Variants in MYRF observed in about 807,000 individuals in gnomAD.
MYRF encodes the protein myelin regulatory factor.
MYRF carries 16 observed loss-of-function variants against 126.3 expected under a neutral mutation model. That is an observed-to-expected ratio of 0.13 (90% confidence interval 0.09 to 0.19). The LOEUF (loss-of-function observed/expected upper bound fraction) is 0.19, where lower values mean the gene tolerates loss of function less well. MYRF is among the 10% of genes least tolerant of loss of function. The pLI, the probability that MYRF is intolerant of heterozygous loss-of-function variation, is 1.00. For missense variants in MYRF, 1,104 were observed against 1,547.0 expected (o/e 0.71, Z 4.80); for synonymous variants, 608 against 635.3 (o/e 0.96, Z 0.65).
rs201384645 is a variant in MYRF, at chr11:61,780,223, G to C, written c.2338G>C (p.Val780Leu). 1.9e-6 allele frequency: 3 copies of C among 1,613,906 alleles called. No homozygotes were observed. The highest frequency in any genetic ancestry group is 1.3e-5 in the African/African-American group (1 of 74,928). The change falls in exon 18 of 27, where the codon GTG becomes CTG. Residue 780 changes from valine (V) to leucine (L), a missense_variant and splice_region_variant. Val to Leu is a conservative substitution (Grantham distance 32). Transcript: ENST00000278836. Reference sequence around the variant, plus strand: ...GGTCACCCTTTTCTGTGGCTCCAGCGTGGTGTCCATGTCCACACTGTACGT... The same window carrying C: ...GGTCACCCTTTTCTGTGGCTCCAGCCTGGTGTCCATGTCCACACTGTACGT... ...IALVVVMAFS[V>L]VSMSTLYVLS... is the part of the protein sequence containing the mutation.
Position 61,781,244 on chromosome 11 carries a change from C to A in MYRF, c.2679C>A (p.Asn893Lys). ...PVICCSSPTT[N>K]PTTGPSLGPS... ...TCTGCTGTTCCTCACCCACTACCAA[C>A]CCTACCACTGGTCCTAGTCTTGGCC... The change falls in exon 21 of 27, where the codon AAC becomes AAA. Residue 893 changes from asparagine (N) to lysine (K), a missense_variant. Around this residue, in one of 10 missense-constraint regions of MYRF, gnomAD observed 323 missense variants for 383.1 expected, o/e 0.84. Transcript: ENST00000278836. 1 of 1,614,202 alleles carries A rather than the reference C, an allele frequency of 6.2e-7. No homozygotes were observed. The highest frequency in any genetic ancestry group is 8.5e-7 in the Non-Finnish European group (1 of 1,180,046).
Position 61,752,794 on chromosome 11 carries a change from A to G in MYRF, c.46+4A>G. The G allele has an allele frequency of 4.0e-6, 6 of 1,487,696 alleles. No homozygotes were observed. The highest frequency in any genetic ancestry group is 2.7e-6 in the Non-Finnish European group (3 of 1,124,278). 92.2% of individuals were successfully genotyped at this position (1,487,696 alleles called of 1,614,324 possible). On this transcript the variant is annotated splice_donor_region_variant and intron_variant, in intron 1 of 26. Coordinates refer to ENST00000278836, the MANE Select transcript of MYRF (RefSeq NM_001127392.3). The stretch of plus-strand genomic sequence containing the variant: ...GCGCTGCAGCGCTTCTTCGAAGGTG[A>G]GAGACCGCGGGCTGGCGGCGGCGAC...
chr11:61,762,020 C>T (rs1366131117), intron 1 of MYRF, among the ~76,000 whole-genome samples: 2 of 152,238 alleles, frequency 1.3e-5, no homozygotes, highest in African/African-American at 4.8e-5. Flanking sequence ...CTGCCCATCC[C>T]TTGCTAAACA....
At position 61,776,901 on chromosome 11, in the gene MYRF, C is replaced by T. The variant is rs371083087; in HGVS notation, c.1590+24C>T. The T allele has an allele frequency of 2.2e-5, 35 of 1,563,944 alleles. No homozygotes were observed. The highest frequency in any genetic ancestry group is 2.7e-5 in the African/African-American group (2 of 73,836). On this transcript the variant is annotated intron_variant, in intron 11 of 26. Transcript: ENST00000278836. The surrounding 1 kb of genome is among the most constrained non-coding windows in gnomAD (Gnocchi z 4.3). ...GGGTGAGGGCCACCTCCTCCCAGGG[C>T]GTAGACAGCCCTCCCCAGGACTGGG... is the stretch of plus-strand genomic sequence containing the variant.
Position 61,774,560 on chromosome 11 carries a change from T to C in MYRF, c.1311+398T>C, listed in dbSNP as rs185854155. On this transcript the variant is annotated intron_variant, in intron 8 of 26. Transcript: ENST00000278836. Reference sequence around the variant, plus strand: ...AAAAAAAAAAAAGCAAGCATCTGTGTGCGTGTGTGTGTGTATGTGTGTGTA... The same window carrying C: ...AAAAAAAAAAAAGCAAGCATCTGTGCGCGTGTGTGTGTGTATGTGTGTGTA... Among the ~76,000 whole-genome samples, 832 of 150,560 alleles carry C rather than the reference T, an allele frequency of 5.5e-3. 5 individuals are homozygous for C. The highest frequency in any genetic ancestry group is 0.019 in the African/African-American group (785 of 41,022).
At position 61,757,353 on chromosome 11, in the gene MYRF, C is replaced by T. The variant is rs1429806523; in HGVS notation, c.46+4563C>T. On this transcript the variant is annotated intron_variant, in intron 1 of 26. Coordinates refer to ENST00000278836, the MANE Select transcript of MYRF (RefSeq NM_001127392.3). This position sits in a 1 kb window ranked among gnomAD's most constrained non-coding sequence, Gnocchi z 4.7. The stretch of plus-strand genomic sequence containing the variant: ...CCGTATCAGGGCACCGCTGTGCCTC[C>T]GCTTTCTCATCTGTAAAACGGGAGT... The T allele has an allele frequency of 1.1e-5, 5 of 455,034 alleles. No homozygotes were observed. Among genetic ancestry groups the T allele is most frequent in the African/African-American group, 2.0e-5 (1 of 50,150 alleles). 28.2% of individuals were successfully genotyped at this position (455,034 alleles called of 1,614,324 possible). A position where few individuals can be genotyped will look rare whatever the true frequency, so the allele number is the denominator to read the frequency against.
rs1013522585 is a variant in MYRF at position 61,757,253 on chromosome 11, G to A, written c.46+4463G>A. 2.2e-6 allele frequency: 1 copy of A among 456,618 alleles called. No individual in the cohort carries two copies. The highest frequency in any genetic ancestry group is 2.0e-5 in the African/African-American group (1 of 50,044). The allele number at this position is 456,618 out of a possible 1,614,324, so 28.3% of individuals were successfully genotyped here. ...GGTCTCGGGGTAGGATGATGTAATG[G>A]TTCTGTGCATTCGCCAGCGAGGGCA... On this transcript the variant is annotated intron_variant, in intron 1 of 26. Coordinates refer to ENST00000278836, the MANE Select transcript of MYRF (RefSeq NM_001127392.3). This position sits in a 1 kb window ranked among gnomAD's most constrained non-coding sequence, Gnocchi z 4.7.
chr11:61,761,702 CA>C (rs1169177988), intron 1 of MYRF, among the ~76,000 whole-genome samples: 1 of 152,238 alleles, frequency 6.6e-6, no homozygotes, highest in Non-Finnish European at 1.5e-5. Flanking sequence ...TACTATATCC[CA>C]GAGAGACAGA....
At chr11:61,774,260 C>T (rs1172785764) in intron 8 of MYRF, 98 bp downstream of exon 8, 2 of 1,169,266 alleles carry the variant, frequency 1.7e-6, no homozygotes, top group East Asian at 2.6e-5. Context: ...TGCTGTGGCT[C>T]ACGCCTGTAA....
intron 17 of MYRF, 24 bp from the exon 18 acceptor site, chr11:61,780,198 G>C (rs760533153): frequency 1.2e-6 from 2 of 1,613,146 alleles, no homozygotes; most frequent in African/African-American, 1.3e-5. Context: ...CAGCTCTAAC[G>C]GTCACCCTTT....
chr11:61,757,006 A>G lies in MYRF; in HGVS notation c.46+4216A>G. 1 of 373,626 alleles carries G rather than the reference A, an allele frequency of 2.7e-6. No individual in the cohort carries two copies. Among genetic ancestry groups the G allele is most frequent in the Non-Finnish European group, 5.4e-6 (1 of 184,842 alleles). 23.1% of individuals were successfully genotyped at this position (373,626 alleles called of 1,614,324 possible). A position where few individuals can be genotyped will look rare whatever the true frequency, so the allele number is the denominator to read the frequency against. Reference sequence around the variant, plus strand: ...CCACCCTTGGACTTTGCCCTCCCTGATAAGGAACTGGGAGCAGAAATTATT... The same window carrying G: ...CCACCCTTGGACTTTGCCCTCCCTGGTAAGGAACTGGGAGCAGAAATTATT... On this transcript the variant is annotated intron_variant, in intron 1 of 26. Coordinates refer to ENST00000278836, the MANE Select transcript of MYRF (RefSeq NM_001127392.3). This position sits in a 1 kb window ranked among gnomAD's most constrained non-coding sequence, Gnocchi z 4.7.
At chr11:61,758,927 G>C (rs2065833852) in intron 1 of MYRF, among the ~76,000 whole-genome samples, 1 of 152,236 alleles carries the variant, frequency 6.6e-6, no homozygotes, top group Non-Finnish European at 1.5e-5. Flanking sequence ...CATGTGTGTG[G>C]GTATATGTGT....
intron 1 of MYRF, among the ~76,000 whole-genome samples, chr11:61,756,579 T>C (rs1393640623): frequency 2.7e-5 from 4 of 148,290 alleles, no homozygotes; most frequent in Admixed American, 1.3e-4. Context: ...GTAGGGGGTC[T>C]GACTCATCCC....
intron 3 of MYRF, chr11:61,766,666 C>G: frequency 4.1e-6 from 1 of 245,884 alleles, no homozygotes. Context: ...CCCCCCTACC[C>G]AAGCAAGCCT....
rs2066682035 is a variant in MYRF, at chr11:61,785,917, C to T, written c.3375+43C>T. The T allele has an allele frequency of 1.9e-6, 3 of 1,594,118 alleles. No homozygotes were observed. The African/African-American group carries it at 4.0e-5, about 21-fold the overall frequency. On this transcript the variant is annotated intron_variant, in intron 26 of 26. Coordinates refer to ENST00000278836, the MANE Select transcript of MYRF (RefSeq NM_001127392.3). The stretch of plus-strand genomic sequence containing the variant: ...ACCTACCCTGGAGGTCTGGGCACCC[C>T]TGTCTGCGACGTGGGGCTTGAGGAA...
At chr11:61,756,504 G>T (rs1275980934) in intron 1 of MYRF, among the ~76,000 whole-genome samples, 1 of 152,040 alleles carries the variant, frequency 6.6e-6, no homozygotes, top group African/African-American at 2.4e-5. Flanking sequence ...CACCCAGGGA[G>T]TAAGTAGATG....
intron 1 of MYRF, among the ~76,000 whole-genome samples, chr11:61,764,076 G>A (rs1300002170): frequency 6.6e-6 from 1 of 152,186 alleles, no homozygotes; most frequent in Admixed American, 6.5e-5. Flanking sequence ...CGCCCTGGAC[G>A]GCCATTGGTG....
At chr11:61,766,259 A>T in intron 3 of MYRF, 38 bp downstream of exon 3, 2 of 1,554,400 alleles carry the variant, frequency 1.3e-6, no homozygotes, top group Non-Finnish European at 1.7e-6. Context: ...ACAGCGGCAT[A>T]GGGGCAGGCA....
At chr11:61,765,766 C>G in intron 2 of MYRF, 54 bp downstream of exon 2, 1 of 1,544,220 alleles carries the variant, frequency 6.5e-7, no homozygotes. Context: ...CCTTCGCCTC[C>G]CTTCTGTCAC....
Sources: allele counts gnomAD v4.1 joint callset (sites outside exome capture counted in the v4.1 genomes callset), GRCh38; gene constraint gnomAD v4.1.1; regional missense constraint gnomAD v4.1.1; non-coding constraint Gnocchi (gnomAD v3.1); transcripts MANE v1.5; gene names NCBI Gene and HGNC (gene_info 2026-07-23, HGNC 2026-07-21).